The following UGDH variants were observed in gnomAD, a reference collection of about 807,000 sequenced individuals.
The protein encoded by UGDH is UDP-glucose 6-dehydrogenase.
A neutral mutation model predicts 50.6 loss-of-function variants in UGDH; 38 were observed. The observed-to-expected ratio is 0.75, with a 90% CI of 0.58 to 0.98. The LOEUF (loss-of-function observed/expected upper bound fraction) is 0.98, where lower values mean the gene tolerates loss of function less well. UGDH is among the 50% of genes least tolerant of loss of function. UGDH has a pLI of 0.00. For synonymous variants in UGDH, 168 were observed against 199.9 expected, an observed-to-expected ratio of 0.84 and a Z score of 1.35; for missense variants, 465 against 606.2, an observed-to-expected ratio of 0.77 and a Z score of 2.45.
intron 1 of UGDH, among the ~76,000 whole-genome samples, chr4:39,525,517 T>TC (rs1454635767): frequency 1.3e-5 from 2 of 150,436 alleles, no homozygotes; most frequent in Non-Finnish European, 3.0e-5. Flanking sequence ...TTTTTCTTTT[T>TC]TTTTTTTGAG....
At chr4:39,500,310 T>C in intron 11 of UGDH, 57 bp from the exon 12 acceptor site, 1 of 1,132,192 alleles carries the variant, frequency 8.8e-7, no homozygotes, top group Non-Finnish European at 1.3e-6. Context: ...TGTAAGAATT[T>C]ATAATGTACT....
intron 2 of UGDH, among the ~76,000 whole-genome samples, chr4:39,517,565 C>T (rs899850364): frequency 4.6e-5 from 7 of 152,084 alleles, no homozygotes; most frequent in Non-Finnish European, 8.8e-5. Flanking sequence ...TCAATAAACA[C>T]GACAACACAA....
At chr4:39,518,711 G>A (rs67418310) in intron 2 of UGDH, among the ~76,000 whole-genome samples, 16,585 of 151,440 alleles carry the variant, frequency 0.11, 1,276 homozygotes, top group East Asian at 0.26. Flanking sequence ...CCTCTCGCCC[G>A]GCCTCCCAAA....
chr4:39,522,208 A>G (rs936578169), intron 1 of UGDH, among the ~76,000 whole-genome samples: 12 of 152,238 alleles, frequency 7.9e-5, no homozygotes, highest in African/African-American at 2.9e-4. Context: ...AGATTTTGAT[A>G]GATTTTCAAA....
chr4:39,525,437 A>G (rs912464376), intron 1 of UGDH, among the ~76,000 whole-genome samples: 3 of 151,794 alleles, frequency 2.0e-5, no homozygotes, highest in Non-Finnish European at 4.4e-5. Flanking sequence ...CAGGTGATCC[A>G]TCCACCTTGG....
chr4:39,524,288 T>C (rs146375422), intron 1 of UGDH, among the ~76,000 whole-genome samples: 159 of 152,274 alleles, frequency 1.0e-3, no homozygotes, highest in Middle Eastern at 3.4e-3. Context: ...GAGTTCATAG[T>C]TTAATAAGGC....
At chr4:39,523,794 G>A (rs999902313) in intron 1 of UGDH, among the ~76,000 whole-genome samples, 3 of 140,670 alleles carry the variant, frequency 2.1e-5, no homozygotes, top group Admixed American at 7.3e-5. Flanking sequence ...CAACAAGCAC[G>A]AAACTCCATC....
chr4:39,509,150 C>CT (rs200238430), intron 6 of UGDH, among the ~76,000 whole-genome samples: 6,662 of 145,574 alleles, frequency 0.046, 226 homozygotes, highest in Non-Finnish European at 0.062. Context: ...AATTTTTTGT[C>CT]TTTTTTTTTT....
At chr4:39,502,975 G>A (rs1745881773) in intron 11 of UGDH, among the ~76,000 whole-genome samples, 1 of 152,102 alleles carries the variant, frequency 6.6e-6, no homozygotes, top group South Asian at 2.1e-4. Context: ...GGAGTGCAGT[G>A]GTGTGATCTT....
intron 1 of UGDH, among the ~76,000 whole-genome samples, chr4:39,522,057 G>T (rs1006414160): frequency 1.3e-5 from 2 of 152,104 alleles, no homozygotes; most frequent in Non-Finnish European, 2.9e-5. Flanking sequence ...TTACTTTTAG[G>T]TACTAGGCAA....
intron 9 of UGDH, 85 bp from the exon 10 acceptor site, chr4:39,504,593 A>G (rs1745958040): frequency 5.3e-6 from 6 of 1,133,044 alleles, no homozygotes; most frequent in Non-Finnish European, 7.8e-6. Flanking sequence ...CTGCAGGGAT[A>G]CATTCCAAGA....
chr4:39,503,391 A>T lies in UGDH; in HGVS notation c.1374+484T>A, dbSNP rs559941784. ...TCAGAAGAGGGCCAGTACCATTGAAACTCCCATATGTTTCATTCAGACCCC... is the reference window on the plus strand; with the variant it reads ...TCAGAAGAGGGCCAGTACCATTGAATCTCCCATATGTTTCATTCAGACCCC... On this transcript the variant is annotated intron_variant, in intron 11 of 11. Coordinates refer to ENST00000316423, the MANE Select transcript of UGDH (RefSeq NM_003359.4). Among the ~76,000 whole-genome samples, 344 of 151,552 alleles carry T rather than the reference A, an allele frequency of 2.3e-3. 2 individuals are homozygous for T. The highest frequency in any genetic ancestry group is 8.0e-3 in the African/African-American group (329 of 41,260).
intron 2 of UGDH, among the ~76,000 whole-genome samples, chr4:39,519,044 G>A (rs1353916076): frequency 6.6e-6 from 1 of 151,954 alleles, no homozygotes; most frequent in Non-Finnish European, 1.5e-5. Context: ...AGCCTCCTGA[G>A]TAGCTGGGAT....
At chr4:39,512,695 T>A (rs938689341) in intron 3 of UGDH, among the ~76,000 whole-genome samples, 1 of 152,200 alleles carries the variant, frequency 6.6e-6, no homozygotes, top group African/African-American at 2.4e-5. Flanking sequence ...TCCAAAATAT[T>A]TTCTTATTTT....
chr4:39,500,002 C>A lies in UGDH; in HGVS notation c.*141G>T. 2 of 533,294 alleles carry A rather than the reference C, an allele frequency of 3.8e-6. 1 individual carries two copies. The highest frequency in any genetic ancestry group is 6.3e-5 in the South Asian group (2 of 31,912). 33.0% of individuals were successfully genotyped at this position (533,294 alleles called of 1,614,324 possible). On this transcript the variant is annotated 3_prime_UTR_variant, in exon 12 of 12. Coordinates refer to ENST00000316423, the MANE Select transcript of UGDH (RefSeq NM_003359.4). Reference sequence around the variant, plus strand: ...CCGAGATTGCACCACTGCACTCCAGCCTGGGCAACAGTGAGACTCTGTCTC... The same window carrying A: ...CCGAGATTGCACCACTGCACTCCAGACTGGGCAACAGTGAGACTCTGTCTC...
intron 2 of UGDH, among the ~76,000 whole-genome samples, chr4:39,520,159 C>T (rs529778015): frequency 1.6e-4 from 25 of 152,012 alleles, no homozygotes; most frequent in Admixed American, 9.2e-4. Flanking sequence ...GCCAACATGG[C>T]GAAACCTCGT....
intron 6 of UGDH, among the ~76,000 whole-genome samples, chr4:39,509,137 A>C (rs939513428): frequency 1.3e-5 from 2 of 149,338 alleles, no homozygotes; most frequent in Non-Finnish European, 3.0e-5. Flanking sequence ...ATCATGCCTG[A>C]CTAATTTTTT....
chr4:39,511,710 C>CTTT (rs59465226), intron 3 of UGDH, among the ~76,000 whole-genome samples: 1 of 134,780 alleles, frequency 7.4e-6, no homozygotes, highest in Non-Finnish European at 1.6e-5. Flanking sequence ...CAAAGACTTG[C>CTTT]TTTTTTTTTT....
In UGDH at chr4:39,513,171, A is replaced by T. The variant is rs561053376; in HGVS notation, c.264+912T>A. On this transcript the variant is annotated intron_variant, in intron 3 of 11. Transcript: ENST00000316423. ...TCCAACTGGTGATAGCTATATCATT[A>T]CATACAGAATATTTGAGTAGATGGT... 7.2e-5 allele frequency among the ~76,000 whole-genome samples: 11 copies of T among 152,298 alleles called. No individual in the cohort carries two copies. The East Asian group carries it at 1.9e-3, about 27-fold the overall frequency.
Sources: gnomAD v4.1 joint callset for allele counts (sites outside exome capture counted in the v4.1 genomes callset) on GRCh38, gnomAD v4.1.1 for gene constraint, MANE v1.5 for transcripts, NCBI Gene and HGNC (gene_info 2026-07-23, HGNC 2026-07-21) for gene names.